The following CCDC7 variants were observed in gnomAD, a reference collection of about 807,000 sequenced individuals.
CCDC7 encodes the protein coiled-coil domain containing 7.
CCDC7 carries 183 observed loss-of-function variants against 196.9 expected under a neutral mutation model. The observed-to-expected ratio is 0.93, with a 90% confidence interval of 0.82 to 1.05. CCDC7 has a LOEUF of 1.05. Ranked by LOEUF, CCDC7 falls within the 50% of genes least tolerant of loss-of-function variation. The probability of loss-of-function intolerance (pLI) is 0.00; values close to 1 mark genes in which losing one functional copy is unlikely to be tolerated. For synonymous variants in CCDC7, 525 were observed against 484.6 expected, an observed-to-expected ratio of 1.08 and a Z score of -1.10; for missense variants, 1,540 against 1,482.2, an observed-to-expected ratio of 1.04 and a Z score of -0.64.
intron 41 of CCDC7, among the ~76,000 whole-genome samples, chr10:32,863,759 T>C (rs2094098816): frequency 6.6e-6 from 1 of 151,906 alleles, no homozygotes; most frequent in African/African-American, 2.4e-5. Flanking sequence ...TCAAAATGGA[T>C]AGGAGACCTA....
At chr10:32,709,485 T>G (rs796761550) in intron 24 of CCDC7, among the ~76,000 whole-genome samples, 30 of 151,958 alleles carry the variant, frequency 2.0e-4, no homozygotes, top group African/African-American at 7.3e-4. Context: ...AATAAATAAA[T>G]AAGAAAACTA....
intron 28 of CCDC7, among the ~76,000 whole-genome samples, chr10:32,750,487 C>T (rs2075488329): frequency 6.6e-6 from 1 of 152,106 alleles, no homozygotes; most frequent in South Asian, 2.1e-4. Context: ...TAAAAGAGAG[C>T]TCTATGGAGA....
At chr10:32,810,109 A>G (rs565644852) in intron 30 of CCDC7, among the ~76,000 whole-genome samples, 3 of 152,280 alleles carry the variant, frequency 2.0e-5, no homozygotes, top group African/African-American at 7.2e-5. Flanking sequence ...CCACAATGAT[A>G]AACAACACAA....
intron 18 of CCDC7, among the ~76,000 whole-genome samples, chr10:32,591,665 C>T (rs2059794734): frequency 6.6e-6 from 1 of 152,138 alleles, no homozygotes; most frequent in Admixed American, 6.5e-5. Context: ...ATATCACCTT[C>T]ACTAAAAGGC....
At chr10:32,787,298 A>G (rs752306088) in intron 29 of CCDC7, among the ~76,000 whole-genome samples, 1 of 151,942 alleles carries the variant, frequency 6.6e-6, no homozygotes, top group Non-Finnish European at 1.5e-5. Context: ...AGACAGCCCT[A>G]TGGAATGACA....
chr10:32,617,448 C>T (rs75510288), intron 18 of CCDC7, among the ~76,000 whole-genome samples: 8,081 of 151,660 alleles, frequency 0.053, 713 homozygotes, highest in African/African-American at 0.18. Flanking sequence ...CTCTTAGCCC[C>T]GCTTTTGCTG....
chr10:32,770,419 A>G (rs957824015), intron 28 of CCDC7, among the ~76,000 whole-genome samples: 1 of 152,112 alleles, frequency 6.6e-6, no homozygotes, highest in African/African-American at 2.4e-5. Context: ...GTATTTGTAT[A>G]GTTTCAAGAA....
chr10:32,697,748 G>T (rs1390744712), intron 24 of CCDC7, among the ~76,000 whole-genome samples: 2 of 152,218 alleles, frequency 1.3e-5, no homozygotes, highest in Non-Finnish European at 2.9e-5. Flanking sequence ...TGGGGGCAGG[G>T]CATAGCTGAA....
intron 28 of CCDC7, among the ~76,000 whole-genome samples, chr10:32,755,191 C>A (rs1198621217): frequency 6.6e-6 from 1 of 152,190 alleles, no homozygotes; most frequent in African/African-American, 2.4e-5. Flanking sequence ...CCTCTGGGGG[C>A]AGGGTAGAGC....
intron 11 of CCDC7, among the ~76,000 whole-genome samples, chr10:32,528,728 T>A (rs1474161723): frequency 1.4e-5 from 2 of 142,360 alleles, no homozygotes; most frequent in African/African-American, 2.6e-5. Context: ...ATATACGTAT[T>A]TACGTATATA....
intron 13 of CCDC7, among the ~76,000 whole-genome samples, chr10:32,549,252 A>G (rs2053059002): frequency 6.6e-6 from 1 of 151,858 alleles, no homozygotes; most frequent in South Asian, 2.1e-4. Context: ...CCACTTTTTG[A>G]TGGGATACTT....
At chr10:32,474,115 C>A in intron 8 of CCDC7, 92 bp downstream of exon 9, 1 of 1,305,588 alleles carries the variant, frequency 7.7e-7, no homozygotes. Context: ...ACAGTGCAGA[C>A]TCCTTGCCTT....
At chr10:32,709,168 G>T (rs539550420) in intron 24 of CCDC7, among the ~76,000 whole-genome samples, 1 of 152,054 alleles carries the variant, frequency 6.6e-6, no homozygotes, top group South Asian at 2.1e-4. Flanking sequence ...CATGTCCTTT[G>T]TAGGGACATG....
intron 20 of CCDC7, among the ~76,000 whole-genome samples, chr10:32,651,636 G>C (rs2068779680): frequency 6.6e-6 from 1 of 152,152 alleles, no homozygotes; most frequent in South Asian, 2.1e-4. Context: ...GGGTGAGAGA[G>C]CTTATCACAG....
At chr10:32,742,541 G>T (rs2086041571) in intron 28 of CCDC7, among the ~76,000 whole-genome samples, 1 of 152,018 alleles carries the variant, frequency 6.6e-6, no homozygotes, top group Admixed American at 6.6e-5. Flanking sequence ...CCTTTTTGTT[G>T]TGTCCATGAT....
At position 32,746,761 on chromosome 10, in the gene CCDC7, C is replaced by T. The variant is rs546752761; in HGVS notation, c.2905+17304C>T. Among the ~76,000 whole-genome samples the T allele has an allele frequency of 3.3e-5, 5 of 152,250 alleles. No homozygotes were observed. In the South Asian group the frequency reaches 8.3e-4, roughly 25 times the overall value. ...TGCAGAGGGACCCCACCAATGTGCA[C>T]CCACCTGCAGCCTCCTCGCACCACT... On this transcript the variant is annotated intron_variant, in intron 28 of 41. Transcript: ENST00000639629.
chr10:32,689,137 G>T (rs750906357), exon 23 of CCDC7: 1 of 1,595,266 alleles, frequency 6.3e-7, no homozygotes, highest in East Asian at 2.2e-5. Context: ...AAGGAACAAA[G>T]AACTCTCAAA....
rs963746415 is a variant in CCDC7 at position 32,643,007 on chromosome 10, G to A, written c.2014+7849G>A. Among the ~76,000 whole-genome samples, 8 of 152,260 alleles carry A rather than the reference G, an allele frequency of 5.3e-5. No individual in the cohort carries two copies. The South Asian group carries it at 1.2e-3, about 24-fold the overall frequency. On this transcript the variant is annotated intron_variant, in intron 20 of 41. Coordinates refer to ENST00000639629, the Ensembl canonical transcript of CCDC7. ...AATTTGGTTTATGGATGTGTATCAC[G>A]TTAGGACTGTAGAAACATGCATTAA...
chr10:32,529,940 T>G (rs1221160464), intron 11 of CCDC7, among the ~76,000 whole-genome samples: 2 of 152,208 alleles, frequency 1.3e-5, no homozygotes, highest in Non-Finnish European at 2.9e-5. Context: ...CTTGAGTTGA[T>G]TTTTGTATAA....
Sources: allele counts gnomAD v4.1 joint callset (sites outside exome capture counted in the v4.1 genomes callset), GRCh38; gene constraint gnomAD v4.1.1; transcripts MANE v1.5; gene names NCBI Gene and HGNC (gene_info 2026-07-23, HGNC 2026-07-21).